The following C1orf21 variants were observed in gnomAD, a reference collection of about 807,000 sequenced individuals.
The protein encoded by C1orf21 is uncharacterized protein C1orf21.
Under a neutral mutation model 18.7 loss-of-function variants are expected in C1orf21, and 3 were observed. That is an observed-to-expected ratio of 0.16 (90% CI 0.07 to 0.42). C1orf21 has a LOEUF of 0.42. Among genes scored for constraint, C1orf21 ranks in the 10% least tolerant of loss-of-function variants. The pLI is 0.99. For missense variants in C1orf21, 104 were observed against 143.6 expected (o/e 0.72, Z 1.41); for synonymous variants, 41 against 46.4 (o/e 0.88, Z 0.47).
intron 1 of C1orf21, among the ~76,000 whole-genome samples, chr1:184,411,796 G>C (rs1288853757): frequency 2.0e-5 from 3 of 152,204 alleles, no homozygotes; most frequent in African/African-American, 7.2e-5. Flanking sequence ...TTTGTCTTCA[G>C]TCCACCAAGT....
intron 5 of C1orf21, among the ~76,000 whole-genome samples, chr1:184,619,015 A>G (rs1006966397): frequency 1.3e-5 from 2 of 152,204 alleles, no homozygotes; most frequent in Non-Finnish European, 2.9e-5. Context: ...TCCCACACAT[A>G]CCAAGCACAG....
At chr1:184,527,710 GAT>G (rs771848707) in intron 3 of C1orf21, among the ~76,000 whole-genome samples, 2 of 152,280 alleles carry the variant, frequency 1.3e-5, no homozygotes, top group Non-Finnish European at 2.9e-5. Flanking sequence ...CCCAGATTTA[GAT>G]ATAGGCCCTG....
intron 3 of C1orf21, among the ~76,000 whole-genome samples, chr1:184,509,755 A>G (rs1658117545): frequency 6.6e-6 from 1 of 152,202 alleles, no homozygotes; most frequent in Non-Finnish European, 1.5e-5. Flanking sequence ...TACTTATTTT[A>G]CGAATGATAC....
chr1:184,447,192 C>T (rs1657048045), intron 1 of C1orf21, among the ~76,000 whole-genome samples: 1 of 152,150 alleles, frequency 6.6e-6, no homozygotes, highest in Admixed American at 6.5e-5. Flanking sequence ...TCAGTCCTCT[C>T]CTAGTCTTGC....
chr1:184,526,179 T>C (rs1336627757), intron 3 of C1orf21, among the ~76,000 whole-genome samples: 2 of 152,228 alleles, frequency 1.3e-5, no homozygotes, highest in African/African-American at 2.4e-5. Context: ...GAAGGTTTTC[T>C]GAAATATATT....
At chr1:184,411,863 C>CT (rs112706879) in intron 1 of C1orf21, among the ~76,000 whole-genome samples, 2,691 of 152,280 alleles carry the variant, frequency 0.018, 82 homozygotes, top group African/African-American at 0.061. Flanking sequence ...TGATGCTCTC[C>CT]TGGTGCTAAT....
chr1:184,481,943 A>G (rs1467214803), intron 2 of C1orf21, among the ~76,000 whole-genome samples: 3 of 152,178 alleles, frequency 2.0e-5, no homozygotes, highest in Non-Finnish European at 1.5e-5. Flanking sequence ...GTGTTTCTTC[A>G]CTTAAATTAA....
At chr1:184,453,208 T>C (rs1657149574) in intron 1 of C1orf21, among the ~76,000 whole-genome samples, 3 of 152,170 alleles carry the variant, frequency 2.0e-5, no homozygotes, top group Admixed American at 2.0e-4. Context: ...CCCATTTCCT[T>C]CTGCAGAGAT....
intron 4 of C1orf21, among the ~76,000 whole-genome samples, chr1:184,593,990 A>G (rs755989857): frequency 3.3e-5 from 5 of 152,234 alleles, no homozygotes; most frequent in Non-Finnish European, 7.3e-5. Flanking sequence ...GAAGTGAGGG[A>G]GTGATAGTTA....
chr1:184,543,710 A>G (rs944541439), intron 3 of C1orf21, among the ~76,000 whole-genome samples: 1 of 152,188 alleles, frequency 6.6e-6, no homozygotes, highest in Non-Finnish European at 1.5e-5. Context: ...TGTTTATTTT[A>G]AAAAATACTA....
chr1:184,553,964 A>G (rs934918119), intron 3 of C1orf21, among the ~76,000 whole-genome samples: 1 of 152,230 alleles, frequency 6.6e-6, no homozygotes, highest in South Asian at 2.1e-4. Flanking sequence ...GGGAGTTAAG[A>G]ATAAATCAAA....
chr1:184,419,958 A>G (rs949630082), intron 1 of C1orf21, among the ~76,000 whole-genome samples: 1 of 152,168 alleles, frequency 6.6e-6, no homozygotes, highest in Non-Finnish European at 1.5e-5. Context: ...GGGAAATGAC[A>G]TATTCTGCCT....
At position 184,619,348 on chromosome 1, in the gene C1orf21, T is replaced by C. The variant is rs1348193083; in HGVS notation, c.328-170T>C. Among the ~76,000 whole-genome samples the C allele has an allele frequency of 3.3e-5, 5 of 152,218 alleles. No homozygotes were observed. The South Asian group carries it at 8.3e-4, about 25-fold the overall frequency. ...CCTTGAAGTATATATAGCTTATAAA[T>C]TGGCTAACATGTATTTATGACGTAG... On this transcript the variant is annotated intron_variant, in intron 5 of 5. Coordinates refer to ENST00000235307, the MANE Select transcript of C1orf21 (RefSeq NM_030806.4).
rs971511782 is a variant in C1orf21 at position 184,621,147 on chromosome 1, C to T, written c.*1591C>T. On this transcript the variant is annotated 3_prime_UTR_variant, in exon 6 of 6. Transcript: ENST00000235307. ...GAGCCTCGATTTTAAAATCTATCCA[C>T]ATCCAACTGATGGCACCATTGATGT... The T allele has an allele frequency of 1.3e-5, 2 of 152,434 alleles. No homozygotes were observed. The highest frequency in any genetic ancestry group is 4.8e-5 in the African/African-American group (2 of 41,456). The allele number at this position is 152,434 out of a possible 1,614,324, so 9.4% of individuals were successfully genotyped here. A position where few individuals can be genotyped will look rare whatever the true frequency, so the allele number is the denominator to read the frequency against.
At chr1:184,484,800 T>G (rs1463526494) in intron 2 of C1orf21, among the ~76,000 whole-genome samples, 1 of 152,168 alleles carries the variant, frequency 6.6e-6, no homozygotes, top group African/African-American at 2.4e-5. Context: ...TTTCTTTCAC[T>G]TGGACTTTGT....
At chr1:184,603,203 G>T (rs933835231) in intron 5 of C1orf21, among the ~76,000 whole-genome samples, 2 of 152,238 alleles carry the variant, frequency 1.3e-5, no homozygotes, top group African/African-American at 4.8e-5. Flanking sequence ...TCATGAGCAT[G>T]CATGAGCCTA....
At chr1:184,485,617 G>A (rs960544398) in intron 2 of C1orf21, among the ~76,000 whole-genome samples, 1 of 152,006 alleles carries the variant, frequency 6.6e-6, no homozygotes, top group African/African-American at 2.4e-5. Context: ...AGCACTAGGT[G>A]TGTACACTCA....
intron 2 of C1orf21, among the ~76,000 whole-genome samples, chr1:184,501,542 C>T (rs1400380184): frequency 6.6e-6 from 1 of 152,208 alleles, no homozygotes; most frequent in Non-Finnish European, 1.5e-5. Context: ...GTACACACTA[C>T]TTTCTTATTT....
chr1:184,429,775 T>C (rs1196282936), intron 1 of C1orf21, among the ~76,000 whole-genome samples: 2 of 152,090 alleles, frequency 1.3e-5, no homozygotes, highest in African/African-American at 4.8e-5. Flanking sequence ...GATAAGTATA[T>C]CCCATGTGAT....
Sources: gnomAD v4.1 joint callset for allele counts (sites outside exome capture counted in the v4.1 genomes callset) on GRCh38, gnomAD v4.1.1 for gene constraint, MANE v1.5 for transcripts, NCBI Gene and HGNC (gene_info 2026-07-23, HGNC 2026-07-21) for gene names.